LAMA1: variants seen among roughly 807,000 people sequenced by gnomAD.
LAMA1 encodes the protein laminin subunit alpha-1.
A neutral mutation model predicts 348.7 loss-of-function variants in LAMA1; 219 were observed. The ratio of observed to expected loss-of-function variants is 0.63; its 90% confidence interval spans 0.56 to 0.70. The LOEUF is 0.70. Among genes scored for constraint, LAMA1 ranks in the 30% least tolerant of loss-of-function variants. The probability of loss-of-function intolerance (pLI) is 0.00; values close to 1 mark genes in which losing one functional copy is unlikely to be tolerated. For synonymous variants in LAMA1, 1,487 were observed against 1,491.0 expected (o/e 1.00, Z 0.06); for missense variants, 3,744 against 3,888.0 (o/e 0.96, Z 0.99).
rs143853128 is a variant in LAMA1, at chr18:6,977,872, G to C, written c.6200C>G (p.Ala2067Gly). The C allele has an allele frequency of 1.2e-4, 198 of 1,612,002 alleles. 1 individual carries two copies. The African/African-American group carries it at 2.5e-3, about 20-fold the overall frequency. The change falls in exon 44 of 63, where the codon GCT becomes GGT. Residue 2067 changes from alanine to glycine, a missense_variant. This residue lies in a region of LAMA1 where 1,983 missense variants were observed against 1,934.3 expected (regional missense o/e 1.03). Coordinates refer to ENST00000389658, the MANE Select transcript of LAMA1 (RefSeq NM_005559.4). ...TTCCACGTCTTTGACTTTTCTTCCA[G>C]CCAACAGAGCTAACAAATACAAGAA... ...LQDSTMATLLAGRKVKDVEIQ... is the reference protein window; with the variant it reads ...LQDSTMATLLGGRKVKDVEIQ...
At chr18:7,002,509 AAGG>A in intron 29 of LAMA1, 124 bp from the exon 30 acceptor site, 1 of 1,067,454 alleles carries the variant, frequency 9.4e-7, no homozygotes, top group Non-Finnish European at 1.4e-6. Flanking sequence ...TTCTTCAGGA[AAGG>A]GGAGCATTTT....
intron 55 of LAMA1, among the ~76,000 whole-genome samples, chr18:6,957,886 T>A (rs1460103721): frequency 1.3e-5 from 2 of 152,090 alleles, no homozygotes; most frequent in Non-Finnish European, 2.9e-5. Flanking sequence ...GTTCAAGTGA[T>A]TCTCCTGCCT....
chr18:6,998,013 GC>G (rs1307230571), intron 32 of LAMA1, 129 bp from the exon 33 acceptor site: 1 of 806,986 alleles, frequency 1.2e-6, no homozygotes, highest in African/African-American at 1.7e-5. Flanking sequence ...AAGACCCCGT[GC>G]ACCACATCTG....
Position 7,007,248 on chromosome 18 carries a change from T to C in LAMA1, c.4151A>G (p.Lys1384Arg), listed in dbSNP as rs766075188. 45 of 1,613,946 alleles carry C rather than the reference T, an allele frequency of 2.8e-5. No individual in the cohort carries two copies. In the South Asian group the frequency reaches 4.8e-4, roughly 17 times the overall value. The change falls in exon 29 of 63, where the codon AAG becomes AGG. Residue 1384 changes from lysine to arginine, a missense_variant. By Grantham distance (26) the Lys-to-Arg change is conservative. This residue lies in a region of LAMA1 where 1,983 missense variants were observed against 1,934.3 expected (regional missense o/e 1.03). Transcript: ENST00000389658. The stretch of plus-strand genomic sequence containing the variant: ...TCCCCTGTCACTCCCTGCTGGGAGC[T>C]TCCCTCTGTGGTACCCAGGGGCGCA... ...QDCAPGYHRG[K>R]LPAGSDRGPR...
At chr18:6,945,582 T>A (rs893932157) in intron 61 of LAMA1, among the ~76,000 whole-genome samples, 6 of 152,100 alleles carry the variant, frequency 3.9e-5, no homozygotes, top group African/African-American at 1.4e-4. Flanking sequence ...GCTGCAGAAA[T>A]GCTGGTAAAA....
chr18:6,994,722 A>AAAAC (rs397710361), intron 34 of LAMA1, among the ~76,000 whole-genome samples: 10 of 151,680 alleles, frequency 6.6e-5, no homozygotes, highest in Non-Finnish European at 8.8e-5. Flanking sequence ...AAATGAAAAA[A>AAAAC]CAGTAAATTT....
chr18:7,053,668 A>G (rs1199020976), intron 3 of LAMA1, among the ~76,000 whole-genome samples: 1 of 152,146 alleles, frequency 6.6e-6, no homozygotes, highest in Non-Finnish European at 1.5e-5. Flanking sequence ...TAAAACTGAG[A>G]AGGAATTACC....
chr18:7,082,095 A>T (rs950050915), intron 1 of LAMA1, among the ~76,000 whole-genome samples: 3 of 152,130 alleles, frequency 2.0e-5, no homozygotes, highest in Non-Finnish European at 4.4e-5. Flanking sequence ...TGCATCTATT[A>T]AAAAAATACA....
intron 19 of LAMA1, among the ~76,000 whole-genome samples, chr18:7,019,038 A>C (rs1480500990): frequency 6.6e-6 from 1 of 151,742 alleles, no homozygotes; most frequent in Non-Finnish European, 1.5e-5. Flanking sequence ...TCTGCTGCTA[A>C]CTCCCCAGCA....
intron 36 of LAMA1, among the ~76,000 whole-genome samples, chr18:6,989,058 CTTTCCTTCTGGG>C (rs2057747901): frequency 6.6e-6 from 1 of 152,132 alleles, no homozygotes; most frequent in Non-Finnish European, 1.5e-5. Flanking sequence ...TGAACACCTG[CTTTCCTTCTGGG>C]AGTCGACTTT....
rs1568010567 is a variant in LAMA1 at position 6,966,160 on chromosome 18, C to A, written c.7037G>T (p.Gly2346Val). The part of the protein sequence containing the change: ...FSPNGLLLYL[G>V]SYGTKDFLSI... ...AAACACTCTTACTGTGCCGTATGAA[C>A]CCAGGTAGAGAAGAAGTCCATTAGG... The change falls in exon 49 of 63, where the codon GGT becomes GTT. Residue 2346 changes from glycine (G) to valine (V), a missense_variant. Coordinates refer to ENST00000389658, the MANE Select transcript of LAMA1 (RefSeq NM_005559.4). 6.2e-7 allele frequency: 1 copy of A among 1,613,962 alleles called. No homozygotes were observed.
rs75380199 is a variant in LAMA1 at position 7,036,404 on chromosome 18, T to G, written c.1738-316A>C. Among the ~76,000 whole-genome samples, 65 of 152,356 alleles carry G rather than the reference T, an allele frequency of 4.3e-4. 1 individual carries two copies. In the East Asian group the frequency reaches 0.012, roughly 28 times the overall value. The stretch of plus-strand genomic sequence containing the variant: ...ACAATAGATATTTACTTCGGTTAAG[T>G]AATTTAGGGGATGAGGAGTTTGACC... On this transcript the variant is annotated intron_variant, in intron 12 of 62. Coordinates refer to ENST00000389658, the MANE Select transcript of LAMA1 (RefSeq NM_005559.4).
chr18:7,062,501 G>A (rs991481091), intron 3 of LAMA1, among the ~76,000 whole-genome samples: 11 of 152,198 alleles, frequency 7.2e-5, no homozygotes, highest in African/African-American at 2.7e-4. Flanking sequence ...CCCAGGGACT[G>A]AAACCAAGGA....
intron 59 of LAMA1, 88 bp from the exon 60 acceptor site, chr18:6,948,644 C>A (rs1335711976): frequency 1.4e-6 from 2 of 1,406,786 alleles, no homozygotes; most frequent in South Asian, 1.2e-5. Flanking sequence ...TCAGACTGGT[C>A]TCAGCAAAAC....
intron 17 of LAMA1, among the ~76,000 whole-genome samples, chr18:7,025,311 T>C (rs2057937431): frequency 6.6e-6 from 1 of 152,164 alleles, no homozygotes; most frequent in Non-Finnish European, 1.5e-5. Flanking sequence ...TCCATCTGCC[T>C]AGAACGCCCG....
At chr18:6,979,666 A>G (rs34144160) in intron 42 of LAMA1, among the ~76,000 whole-genome samples, 7,181 of 152,182 alleles carry the variant, frequency 0.047, 197 homozygotes, top group Middle Eastern at 0.078. Flanking sequence ...TTGGGAGGCC[A>G]AGGCGGGCGG....
rs150459295 is a variant in LAMA1, at chr18:6,999,570, G to A, written c.4538C>T (p.Pro1513Leu). Reference protein sequence around the residue: ...GGSCQKCDCNPHGSVHGDCDR... With the variant: ...GGSCQKCDCNLHGSVHGDCDR... ...ACAGTCACCGTGGACAGAGCCGTGCGGGTTGCAGTCACACTTCTGGCAACT... is the reference window on the plus strand; with the variant it reads ...ACAGTCACCGTGGACAGAGCCGTGCAGGTTGCAGTCACACTTCTGGCAACT... Residue 1513 changes from proline to leucine, a missense_variant, in exon 32 of 63, where the codon CCG becomes CTG. Pro to Leu is a moderately conservative substitution (Grantham distance 98). Transcript: ENST00000389658. 1.4e-5 allele frequency: 22 copies of A among 1,613,922 alleles called. No individual in the cohort carries two copies. Among genetic ancestry groups the A allele is most frequent in the South Asian group, 3.3e-5 (3 of 91,056 alleles).
chr18:7,064,405 T>G (rs2058114384), intron 3 of LAMA1, among the ~76,000 whole-genome samples: 1 of 152,090 alleles, frequency 6.6e-6, no homozygotes, highest in Non-Finnish European at 1.5e-5. Context: ...AGAAACCAAT[T>G]AAGTCAGTGG....
At chr18:6,984,540 G>C (rs556141681) in intron 39 of LAMA1, among the ~76,000 whole-genome samples, 1 of 152,128 alleles carries the variant, frequency 6.6e-6, no homozygotes, top group East Asian at 1.9e-4. Context: ...CACAATCTTT[G>C]GGGGGAAGGC....
Sources: allele counts gnomAD v4.1 joint callset (sites outside exome capture counted in the v4.1 genomes callset), GRCh38; gene constraint gnomAD v4.1.1; regional missense constraint gnomAD v4.1.1; transcripts MANE v1.5; gene names NCBI Gene and HGNC (gene_info 2026-07-23, HGNC 2026-07-21).